Variants in NAA16 observed in about 807,000 individuals in gnomAD.
NAA16 encodes NARG1-like protein.
In NAA16, 97 loss-of-function variants were observed where a neutral mutation model predicts 110.3. That is an observed-to-expected ratio of 0.88 (90% CI 0.75 to 1.04). NAA16 has a LOEUF of 1.04. Among genes scored for constraint, NAA16 ranks in the 50% least tolerant of loss-of-function variants. The pLI, the probability that NAA16 is intolerant of heterozygous loss-of-function variation, is 0.00. For missense variants in NAA16, 1,017 were observed against 1,005.1 expected (o/e 1.01, Z -0.16); for synonymous variants, 372 against 330.6 (o/e 1.13, Z -1.36).
intron 9 of NAA16, among the ~76,000 whole-genome samples, chr13:41,350,903 T>TA (rs2042819413): frequency 6.6e-6 from 1 of 152,118 alleles, no homozygotes; most frequent in African/African-American, 2.4e-5. Flanking sequence ...GTGGGATTAT[T>TA]ATAGGCATGA....
At chr13:41,365,505 A>G (rs2043191035) in intron 13 of NAA16, among the ~76,000 whole-genome samples, 1 of 152,176 alleles carries the variant, frequency 6.6e-6, no homozygotes, top group Non-Finnish European at 1.5e-5. Flanking sequence ...TCTGCAATAC[A>G]CTGTTTTTTC....
chr13:41,313,930 C>T, intron 1 of NAA16, among the ~76,000 whole-genome samples: 1 of 149,928 alleles, frequency 6.7e-6, no homozygotes, highest in Admixed American at 6.7e-5. Context: ...GGCAAGATCT[C>T]ACTGCAACCT....
In NAA16 at chr13:41,316,940, CAT is replaced by C. The variant is rs753238952; in HGVS notation, c.139+11_139+12del. On this transcript the variant is annotated intron_variant, in intron 2 of 19. Coordinates refer to ENST00000379406, the MANE Select transcript of NAA16 (RefSeq NM_024561.5). ...TTTGCTGAACATGGAGGTATTGTCT[CAT>C]GTGAGAGATTGCTTTAGGGAAATCA... 3.0e-5 allele frequency: 48 copies of C among 1,585,502 alleles called. No individual in the cohort carries two copies. The highest frequency in any genetic ancestry group is 2.0e-4 in the East Asian group (9 of 44,682).
intron 4 of NAA16, among the ~76,000 whole-genome samples, chr13:41,322,157 A>G (rs1454144498): frequency 2.0e-5 from 3 of 152,168 alleles, no homozygotes; most frequent in Admixed American, 1.3e-4. Context: ...CTGATGTAGA[A>G]GGATTGCTTG....
intron 9 of NAA16, among the ~76,000 whole-genome samples, chr13:41,343,322 T>C (rs1383003989): frequency 6.6e-6 from 1 of 152,136 alleles, no homozygotes; most frequent in Non-Finnish European, 1.5e-5. Context: ...ACTTCTGGGC[T>C]CAAGTGATTC....
Position 41,323,745 on chromosome 13 carries a change from A to G in NAA16, c.537+555A>G, listed in dbSNP as rs538525684. On this transcript the variant is annotated intron_variant, in intron 5 of 19. Coordinates refer to ENST00000379406, the MANE Select transcript of NAA16 (RefSeq NM_024561.5). ...AATGATCATCCTGCCTCGTCTTCCT[A>G]AAGTGCTGGGATTACAGGCATGAGC... 5.9e-5 allele frequency among the ~76,000 whole-genome samples: 9 copies of G among 151,554 alleles called. No individual in the cohort carries two copies. In the South Asian group the frequency reaches 1.7e-3, roughly 28 times the overall value.
At chr13:41,354,450 G>A (rs2042926563) in intron 9 of NAA16, 1 of 152,184 alleles carries the variant, frequency 6.6e-6, no homozygotes, top group African/African-American at 2.4e-5. Flanking sequence ...GTGAATTTTG[G>A]TTAGTTTGTA....
intron 13 of NAA16, 35 bp from the exon 14 acceptor site, chr13:41,367,404 A>G (rs756410488): frequency 2.1e-6 from 3 of 1,449,170 alleles, no homozygotes; most frequent in Admixed American, 1.8e-5. Flanking sequence ...ATTGACATAA[A>G]TGTAAAGGTT....
At chr13:41,353,162 A>G (rs1037605041) in intron 9 of NAA16, among the ~76,000 whole-genome samples, 3 of 150,132 alleles carry the variant, frequency 2.0e-5, no homozygotes, top group Non-Finnish European at 4.4e-5. Context: ...CTAGAGATGC[A>G]TAAACGTCCG....
rs746418387 is a variant in NAA16 at position 41,372,741 on chromosome 13, T to C, written c.2066T>C (p.Leu689Pro). Reference protein sequence around the residue: ...FEIYFRKGKFLLMLQSVKRAF... With the variant: ...FEIYFRKGKFPLMLQSVKRAF... ...ATTTTTTCTGACACAGGAAAGTTTC[T>C]GTTAATGCTGCAGTCTGTCAAACGA... The change falls in exon 17 of 20, where the codon CTG becomes CCG. Residue 689 changes from leucine (L) to proline (P), a missense_variant. Coordinates refer to ENST00000379406, the MANE Select transcript of NAA16 (RefSeq NM_024561.5). 22 of 1,595,386 alleles carry C rather than the reference T, an allele frequency of 1.4e-5. No individual in the cohort carries two copies. Among genetic ancestry groups the C allele is most frequent in the Non-Finnish European group, 1.8e-5 (21 of 1,169,106 alleles).
At position 41,362,131 on chromosome 13, in the gene NAA16, C is replaced by T; in HGVS notation, c.1511C>T (p.Ala504Val). 6.2e-7 allele frequency: 1 copy of T among 1,603,558 alleles called. No homozygotes were observed. Among genetic ancestry groups the T allele is most frequent in the Non-Finnish European group, 8.5e-7 (1 of 1,176,482 alleles). The change falls in exon 13 of 20, where the codon GCC (alanine) becomes GTC (valine). Residue 504 changes from alanine to valine, a missense_variant. Transcript: ENST00000379406. ...AYQRLGRYGD[A>V]LKKCHEVERH... ...CAGCGTCTGGGGAGATACGGGGATG[C>T]CTTGAAAAAATGTCATGAAGTAGAA...
At chr13:41,359,853 T>G (rs1254651937) in intron 12 of NAA16, among the ~76,000 whole-genome samples, 2 of 152,172 alleles carry the variant, frequency 1.3e-5, no homozygotes, top group Non-Finnish European at 1.5e-5. Flanking sequence ...AAGCAAACCT[T>G]ACACTTATAG....
intron 12 of NAA16, among the ~76,000 whole-genome samples, chr13:41,360,668 A>G (rs1019686670): frequency 3.3e-5 from 5 of 152,204 alleles, no homozygotes; most frequent in Non-Finnish European, 5.9e-5. Flanking sequence ...CAAATCCATA[A>G]TATGTGGTGA....
chr13:41,358,508 GA>G, intron 11 of NAA16, 35 bp downstream of exon 11: 1 of 1,608,384 alleles, frequency 6.2e-7, no homozygotes, highest in Non-Finnish European at 8.5e-7. Flanking sequence ...AGTAGTTGAA[GA>G]ATTCAGCTAC....
chr13:41,328,098 T>A (rs1247995326), intron 6 of NAA16: 1 of 151,954 alleles, frequency 6.6e-6, no homozygotes, highest in East Asian at 1.9e-4. Flanking sequence ...TTAGGTGTGT[T>A]TCCATCGTAT....
At chr13:41,328,333 C>G (rs1428995978) in intron 6 of NAA16, among the ~76,000 whole-genome samples, 5 of 151,996 alleles carry the variant, frequency 3.3e-5, no homozygotes, top group Admixed American at 2.0e-4. Flanking sequence ...AATATATGAA[C>G]TGATAGGAAA....
intron 9 of NAA16, among the ~76,000 whole-genome samples, chr13:41,340,244 G>A (rs185497249): frequency 1.3e-5 from 2 of 152,070 alleles, no homozygotes; most frequent in African/African-American, 4.8e-5. Flanking sequence ...GAGGCTTTGG[G>A]GTCTCTCCAT....
chr13:41,354,050 G>A (rs1411766075), intron 9 of NAA16, among the ~76,000 whole-genome samples: 1 of 152,146 alleles, frequency 6.6e-6, no homozygotes, highest in Non-Finnish European at 1.5e-5. Context: ...CATAGTATGT[G>A]TAAATTTTTT....
intron 11 of NAA16, 149 bp downstream of exon 11, chr13:41,358,622 T>C: frequency 6.9e-7 from 1 of 1,446,912 alleles, no homozygotes; most frequent in Non-Finnish European, 9.1e-7. Context: ...ATTAATTGTA[T>C]AATCAATGTG....
Sources: gnomAD v4.1 joint callset for allele counts (sites outside exome capture counted in the v4.1 genomes callset) on GRCh38, gnomAD v4.1.1 for gene constraint, MANE v1.5 for transcripts, NCBI Gene and HGNC (gene_info 2026-07-23, HGNC 2026-07-21) for gene names.